Variants in CCDC62 observed in about 807,000 individuals in gnomAD.
CCDC62 encodes the protein coiled-coil domain containing 62, also known as coiled-coil domain-containing protein 62.
In CCDC62, 72 loss-of-function variants were observed where a neutral mutation model predicts 80.8. The observed-to-expected ratio is 0.89, with a 90% CI of 0.74 to 1.08. The LOEUF (loss-of-function observed/expected upper bound fraction) is 1.08, where lower values mean the gene tolerates loss of function less well. Among genes scored for constraint, CCDC62 ranks in the 50% least tolerant of loss-of-function variants. The pLI, the probability that CCDC62 is intolerant of heterozygous loss-of-function variation, is 0.00. For missense variants in CCDC62, 704 were observed against 809.4 expected (o/e 0.87, Z 1.58); for synonymous variants, 286 against 296.5 (o/e 0.96, Z 0.36).
chr12:122,806,035 C>T, intron 9 of CCDC62, 116 bp from the exon 10 acceptor site: 1 of 876,632 alleles, frequency 1.1e-6, no homozygotes, highest in Non-Finnish European at 1.7e-6. Context: ...CAAACTTGAC[C>T]TGCTTCAATA....
chr12:122,777,449 G>C, intron 1 of CCDC62, 42 bp from the exon 2 acceptor site: 1 of 1,533,678 alleles, frequency 6.5e-7, no homozygotes, highest in Non-Finnish European at 8.9e-7. Flanking sequence ...ATTTGTTATT[G>C]ATTTCATTCT....
chr12:122,805,343 CTTTTT>C (rs56167273), intron 9 of CCDC62, among the ~76,000 whole-genome samples: 1 of 105,128 alleles, frequency 9.5e-6, no homozygotes. Context: ...TGTCTTAATT[CTTTTT>C]TTTTTTTTTT....
chr12:122,817,790 G>A (rs1158528387), intron 11 of CCDC62, among the ~76,000 whole-genome samples: 1 of 152,146 alleles, frequency 6.6e-6, no homozygotes, highest in Non-Finnish European at 1.5e-5. Context: ...CTGTGTGTGT[G>A]TGCCTGCACA....
intron 10 of CCDC62, among the ~76,000 whole-genome samples, chr12:122,807,550 G>A (rs564965371): frequency 9.8e-4 from 140 of 143,432 alleles, no homozygotes; most frequent in Non-Finnish European, 1.5e-3. Context: ...AAAAAAAAAG[G>A]TAAACATCTG....
chr12:122,787,735 G>A (rs986418300), intron 4 of CCDC62, among the ~76,000 whole-genome samples: 5 of 151,526 alleles, frequency 3.3e-5, no homozygotes. Flanking sequence ...TGGTGACAGA[G>A]CGAGACTTCA....
chr12:122,806,087 A>G (rs999845153), intron 9 of CCDC62, 64 bp from the exon 10 acceptor site: 1 of 1,446,688 alleles, frequency 6.9e-7, no homozygotes, highest in Non-Finnish European at 9.5e-7. Context: ...TTTTGAGTAT[A>G]AGAGTGATCT....
intron 10 of CCDC62, among the ~76,000 whole-genome samples, chr12:122,812,769 G>GAA (rs1429913195): frequency 8.1e-4 from 53 of 65,236 alleles, no homozygotes; most frequent in African/African-American, 3.4e-3. Flanking sequence ...GAGAGAGAGA[G>GAA]AGAGAGAGAG....
chr12:122,782,795 T>C (rs2029948136), intron 3 of CCDC62, among the ~76,000 whole-genome samples: 1 of 151,826 alleles, frequency 6.6e-6, no homozygotes, highest in Non-Finnish European at 1.5e-5. Context: ...AGTGGCATAT[T>C]GGGAATAAAA....
At chr12:122,775,882 G>C (rs1879419734) in intron 1 of CCDC62, among the ~76,000 whole-genome samples, 1 of 152,198 alleles carries the variant, frequency 6.6e-6, no homozygotes, top group Non-Finnish European at 1.5e-5. Context: ...CAAAGTGCTG[G>C]GATTACAGGC....
At chr12:122,784,499 AAC>A (rs529852406) in intron 3 of CCDC62, among the ~76,000 whole-genome samples, 39 of 151,400 alleles carry the variant, frequency 2.6e-4, no homozygotes, top group Non-Finnish European at 4.7e-4. Flanking sequence ...CCAGCCTGGC[AAC>A]AGAGCGAGAC....
chr12:122,811,297 C>A (rs1395167849), intron 10 of CCDC62, among the ~76,000 whole-genome samples: 1 of 148,536 alleles, frequency 6.7e-6, no homozygotes, highest in African/African-American at 2.5e-5. Flanking sequence ...CCGCAACCTC[C>A]GCCTCCCAGG....
At chr12:122,786,589 A>G (rs1360581874) in intron 4 of CCDC62, among the ~76,000 whole-genome samples, 4 of 152,210 alleles carry the variant, frequency 2.6e-5, no homozygotes, top group East Asian at 1.9e-4. Context: ...ATGTTGGTAT[A>G]ATGAAATGCT....
intron 8 of CCDC62, 95 bp from the exon 9 acceptor site, chr12:122,801,029 T>A: frequency 7.6e-7 from 1 of 1,319,004 alleles, no homozygotes; most frequent in Non-Finnish European, 1.0e-6. Context: ...CGAGTCTCAT[T>A]GGGATTTAGC....
chr12:122,774,784 G>T (rs1028427762), intron 1 of CCDC62, 78 bp downstream of exon 1: 9 of 1,110,806 alleles, frequency 8.1e-6, no homozygotes, highest in South Asian at 4.6e-5. Flanking sequence ...TCTCAAGAAC[G>T]GTGTCTACTT....
At position 122,792,070 on chromosome 12, in the gene CCDC62, A is replaced by G. The variant is rs984795619; in HGVS notation, c.721A>G (p.Ile241Val). The change falls in exon 6 of 13, where the codon ATT becomes GTT. Residue 241 changes from isoleucine to valine, a missense_variant. By Grantham distance (29) the Ile-to-Val change is conservative (BLOSUM62 3). Transcript: ENST00000253079. ...AAATAATGAGCAACGAGAAGAGATCATTCGCCTCAAGCAAGAGAAAAGTTG... is the reference window on the plus strand; with the variant it reads ...AAATAATGAGCAACGAGAAGAGATCGTTCGCCTCAAGCAAGAGAAAAGTTG... ...TENNEQREEI[I>V]RLKQEKSCLH... 11 of 1,614,028 alleles carry G rather than the reference A, an allele frequency of 6.8e-6. No homozygotes were observed. The highest frequency in any genetic ancestry group is 3.3e-5 in the Admixed American group (2 of 60,008).
At chr12:122,795,502 C>T (rs1386359738) in intron 6 of CCDC62, among the ~76,000 whole-genome samples, 1 of 151,950 alleles carries the variant, frequency 6.6e-6, no homozygotes, top group Non-Finnish European at 1.5e-5. Flanking sequence ...CGGCTCACTG[C>T]AAGCTCAGCC....
intron 10 of CCDC62, among the ~76,000 whole-genome samples, chr12:122,812,779 GAA>G (rs767332825): frequency 0.016 from 1,275 of 80,468 alleles, 47 homozygotes; most frequent in African/African-American, 0.078. Flanking sequence ...GAGAGAGAGA[GAA>G]AGAAAGAAAG....
intron 7 of CCDC62, 52 bp downstream of exon 7, chr12:122,797,447 T>C: frequency 2.0e-6 from 2 of 1,007,964 alleles, no homozygotes; most frequent in South Asian, 2.7e-5. Context: ...TGTAAACAAA[T>C]AGCAAATTAG....
At chr12:122,795,022 G>C (rs1180712312) in intron 6 of CCDC62, among the ~76,000 whole-genome samples, 2 of 152,000 alleles carry the variant, frequency 1.3e-5, no homozygotes, top group African/African-American at 4.8e-5. Flanking sequence ...ATGCCGTCAA[G>C]TGCTATGGCT....
Sources: gnomAD v4.1 joint callset for allele counts (sites outside exome capture counted in the v4.1 genomes callset) on GRCh38, gnomAD v4.1.1 for gene constraint, MANE v1.5 for transcripts, NCBI Gene and HGNC (gene_info 2026-07-23, HGNC 2026-07-21) for gene names.